MAP1S: variants seen among roughly 807,000 people sequenced by gnomAD.
The protein encoded by MAP1S is microtubule-associated protein 1S.
In MAP1S, 27 loss-of-function variants were observed where a neutral mutation model predicts 60.9. The ratio of observed to expected loss-of-function variants is 0.44; its 90% CI spans 0.33 to 0.61. MAP1S has a LOEUF of 0.61. Among genes scored for constraint, MAP1S ranks in the 20% least tolerant of loss-of-function variants. The probability of loss-of-function intolerance (pLI) is 0.03; values close to 1 mark genes in which losing one functional copy is unlikely to be tolerated. For missense variants in MAP1S, 1,608 were observed against 1,486.6 expected (o/e 1.08, Z -1.34); for synonymous variants, 826 against 694.2 (o/e 1.19, Z -2.98).
Position 17,729,766 on chromosome 19 carries a change from G to A in MAP1S, c.2788+1594G>A, listed in dbSNP as rs147805952. On this transcript the variant is annotated intron_variant, in intron 5 of 6. Transcript: ENST00000324096. Reference sequence around the variant, plus strand: ...CAACCTCTACCTCCCGGGGTCAAGCGATTCTCCTACCTCAGCCTCCCAAGT... The same window carrying A: ...CAACCTCTACCTCCCGGGGTCAAGCAATTCTCCTACCTCAGCCTCCCAAGT... Among the ~76,000 whole-genome samples the A allele has an allele frequency of 5.8e-4, 88 of 152,208 alleles. No homozygotes were observed. In the East Asian group the frequency reaches 0.015, roughly 26 times the overall value.
chr19:17,732,432 T>TA (rs1447989317), intron 5 of MAP1S, among the ~76,000 whole-genome samples: 1 of 152,196 alleles, frequency 6.6e-6, no homozygotes, highest in Non-Finnish European at 1.5e-5. Flanking sequence ...TTCATTTCAT[T>TA]GATCATTCAC....
chr19:17,721,324 T>C (rs1363410380), intron 2 of MAP1S: 5 of 418,456 alleles, frequency 1.2e-5, no homozygotes, highest in Non-Finnish European at 2.3e-5. Flanking sequence ...GAGAAACTGC[T>C]ATGACTGGTG....
At position 17,725,946 on chromosome 19, in the gene MAP1S, G is replaced by A. The variant is rs1345417196; in HGVS notation, c.562G>A (p.Ala188Thr). 2 of 1,613,330 alleles carry A rather than the reference G, an allele frequency of 1.2e-6. No homozygotes were observed. The highest frequency in any genetic ancestry group is 1.7e-6 in the Non-Finnish European group (2 of 1,179,764). The change falls in exon 5 of 7, where the codon GCG (alanine) becomes ACG (threonine). Residue 188 changes from alanine (A) to threonine (T), a missense_variant. Transcript: ENST00000324096. This position sits in a 1 kb window ranked among gnomAD's most constrained non-coding sequence, Gnocchi z 4.2. ...LAPAVPGLQG[A>T]LRLQLRLNPP... ...ACCCGCTGTGCCTGGCCTTCAGGGG[G>A]CGCTCCGGCTCCAGCTGCGGCTGAA...
rs562764580 is a variant in MAP1S at position 17,726,662 on chromosome 19, G to C, written c.1278G>C (p.Lys426Asn). ...GGCACCCCGCCGGCCCCGGCGAGAA[G>C]GTGGTGCGCGTGCTGTTCCCCGGTT... ...LVWHPAGPGE[K>N]VVRVLFPGCT... is the part of the protein sequence containing the mutation. The change falls in exon 5 of 7, where the codon AAG becomes AAC. Residue 426 changes from lysine to asparagine, a missense_variant. Around this residue, in one of 4 missense-constraint regions of MAP1S, gnomAD observed 1,167 missense variants for 961.4 expected, o/e 1.21. Transcript: ENST00000324096. The C allele has an allele frequency of 1.3e-6, 2 of 1,582,218 alleles. No homozygotes were observed. The highest frequency in any genetic ancestry group is 1.7e-6 in the Non-Finnish European group (2 of 1,168,242).
intron 3 of MAP1S, 24 bp downstream of exon 3, chr19:17,724,232 AG>A (rs2080397122): frequency 6.2e-7 from 1 of 1,602,224 alleles, no homozygotes; most frequent in Non-Finnish European, 8.5e-7. Flanking sequence ...GACGTCCTGG[AG>A]GGGGCGGGCT....
chr19:17,733,062 C>T, intron 5 of MAP1S, 131 bp from the exon 6 acceptor site: 1 of 610,180 alleles, frequency 1.6e-6, no homozygotes, highest in East Asian at 2.8e-5. Flanking sequence ...ACCAGGCCTC[C>T]CCAGAAAACT....
chr19:17,720,845 C>A, intron 1 of MAP1S, 91 bp from the exon 2 acceptor site: 1 of 954,212 alleles, frequency 1.0e-6, no homozygotes, highest in Non-Finnish European at 1.7e-6. Flanking sequence ...GAGGCTGGGG[C>A]GCTCCCCACC....
At chr19:17,720,043 G>C (rs1231919194) in intron 1 of MAP1S, 3 of 896,672 alleles carry the variant, frequency 3.3e-6, no homozygotes, top group Non-Finnish European at 2.8e-6. Context: ...AAGCAGATAT[G>C]GGGGAGGCTG....
rs759526993 is a variant in MAP1S at position 17,726,233 on chromosome 19, C to G, written c.849C>G (p.Asp283Glu). The part of the protein sequence containing the change: ...SSFWKLVRHL[D>E]RVDAVLVTHP... Reference sequence around the variant, plus strand: ...TCTGGAAGCTGGTGCGGCACCTGGACCGCGTGGATGCCGTGCTGGTGACCC... The same window carrying G: ...TCTGGAAGCTGGTGCGGCACCTGGAGCGCGTGGATGCCGTGCTGGTGACCC... The change falls in exon 5 of 7, where the codon GAC becomes GAG. Residue 283 changes from aspartate (D) to glutamate (E), a missense_variant. Asp to Glu is a conservative substitution (Grantham distance 45). Transcript: ENST00000324096. 1 of 1,608,662 alleles carries G rather than the reference C, an allele frequency of 6.2e-7. No homozygotes were observed.
chr19:17,721,719 G>A (rs1382125031), intron 2 of MAP1S, among the ~76,000 whole-genome samples: 3 of 152,168 alleles, frequency 2.0e-5, no homozygotes, highest in Admixed American at 6.5e-5. Context: ...AAGGTGGAGG[G>A]GCACTGAGCA....
At position 17,727,430 on chromosome 19, in the gene MAP1S, A is replaced by G. The variant is rs1170397296; in HGVS notation, c.2046A>G (p.Leu682=). The G allele has an allele frequency of 3.1e-6, 5 of 1,601,354 alleles. No individual in the cohort carries two copies. Among genetic ancestry groups the G allele is most frequent in the Non-Finnish European group, 4.3e-6 (5 of 1,174,712 alleles). Residue 682 remains leucine (L), a synonymous_variant, in exon 5 of 7, where the codon CTA becomes CTG. Transcript: ENST00000324096. The surrounding 1 kb of genome is among the most constrained non-coding windows in gnomAD (Gnocchi z 4.1). ...VTTPTVTTPS[L]PAEVGSPHST... ...CACCCACGGTGACCACGCCCTCACT[A>G]CCCGCAGAGGTGGGCTCCCCGCACT... is the stretch of plus-strand genomic sequence containing the variant.
chr19:17,733,476 T>C (rs2080511735), intron 6 of MAP1S, 48 bp downstream of exon 6: 1 of 1,443,480 alleles, frequency 6.9e-7, no homozygotes, highest in Non-Finnish European at 9.3e-7. Flanking sequence ...TTAGCACAGA[T>C]GGGTAAAACC....
At chr19:17,728,220 C>G in intron 5 of MAP1S, 48 bp downstream of exon 5, 2 of 1,509,956 alleles carry the variant, frequency 1.3e-6, no homozygotes, top group Non-Finnish European at 1.8e-6. Context: ...GCTGCTTAGG[C>G]TGGAGAGCAT....
In MAP1S at chr19:17,727,846, A is replaced by T. The variant is rs1411972873; in HGVS notation, c.2462A>T (p.His821Leu). 2 of 1,613,198 alleles carry T rather than the reference A, an allele frequency of 1.2e-6. No individual in the cohort carries two copies. The highest frequency in any genetic ancestry group is 2.7e-5 in the African/African-American group (2 of 74,824). Reference sequence around the variant, plus strand: ...ACAGAGGGCTTTGGAGTCCCTCGCCACGACCCTTTGCCTGACCCCCTCAAG... The same window carrying T: ...ACAGAGGGCTTTGGAGTCCCTCGCCTCGACCCTTTGCCTGACCCCCTCAAG... The part of the protein sequence containing the change: ...EDTEGFGVPR[H>L]DPLPDPLKVP... The change falls in exon 5 of 7, where the codon CAC (histidine) becomes CTC (leucine). Residue 821 changes from histidine (H) to leucine (L), a missense_variant. This residue lies in a region of MAP1S where 1,167 missense variants were observed against 961.4 expected (regional missense o/e 1.21). Transcript: ENST00000324096. The surrounding 1 kb of genome is among the most constrained non-coding windows in gnomAD (Gnocchi z 4.1).
chr19:17,731,981 A>C (rs941858289), intron 5 of MAP1S, among the ~76,000 whole-genome samples: 5 of 152,232 alleles, frequency 3.3e-5, no homozygotes, highest in African/African-American at 9.6e-5. Flanking sequence ...GATTTTTTAC[A>C]TTATTGTTCA....
In MAP1S at chr19:17,725,168, C is replaced by G; in HGVS notation, c.423C>G (p.Leu141=). The change falls in exon 4 of 7, where the codon CTC becomes CTG. Residue 141 remains leucine (L), a synonymous_variant. Transcript: ENST00000324096. The surrounding 1 kb of genome is among the most constrained non-coding windows in gnomAD (Gnocchi z 4.2). ...QTGGFSPHHF[L]QVLKDREIRD... The stretch of plus-strand genomic sequence containing the variant: ...GGGGCTTCTCGCCTCACCACTTCCT[C>G]CAGGTCCTGAAGGACAGAGAGGTAA... The G allele has an allele frequency of 6.2e-7, 1 of 1,613,638 alleles. No individual in the cohort carries two copies. Among genetic ancestry groups the G allele is most frequent in the Non-Finnish European group, 8.5e-7 (1 of 1,179,756 alleles).
chr19:17,720,539 T>C (rs2080361347), intron 1 of MAP1S: 1 of 1,467,262 alleles, frequency 6.8e-7, no homozygotes, highest in Non-Finnish European at 9.0e-7. Flanking sequence ...GGACAGTCAG[T>C]CTTAGCACCC....
Position 17,720,973 on chromosome 19 carries a change from C to T in MAP1S, c.156C>T (p.Asn52=), listed in dbSNP as rs1468889118. The change falls in exon 2 of 7, where the codon AAC becomes AAT. Residue 52 remains asparagine (N), a synonymous_variant. Transcript: ENST00000324096. ...GGGATGTCGATCCTGGCGTCTGCAA[C>T]CTTGATGAACAGCTCAAGGTCTTTG... ...RSWDVDPGVC[N]LDEQLKVFVS... The T allele has an allele frequency of 1.9e-6, 3 of 1,613,972 alleles. No homozygotes were observed. Among genetic ancestry groups the T allele is most frequent in the South Asian group, 1.1e-5 (1 of 91,082 alleles).
rs150294600 is a variant in MAP1S, at chr19:17,725,120, G to A, written c.375G>A (p.Thr125=). 162 of 1,614,118 alleles carry A rather than the reference G, an allele frequency of 1.0e-4. 2 individuals carry two copies. In the South Asian group the frequency reaches 1.4e-3, roughly 14 times the overall value. The change falls in exon 4 of 7, where the codon ACG becomes ACA. Residue 125 remains threonine, a synonymous_variant. Coordinates refer to ENST00000324096, the MANE Select transcript of MAP1S (RefSeq NM_018174.6). This position sits in a 1 kb window ranked among gnomAD's most constrained non-coding sequence, Gnocchi z 4.2. ...LVLAGPCLEE[T]GELLLQTGGF... ...TGGCTGGGCCCTGCCTGGAGGAGAC[G>A]GGGGAGCTGCTGCTACAGACAGGGG...
Sources: gnomAD v4.1 joint callset for allele counts (sites outside exome capture counted in the v4.1 genomes callset) on GRCh38, gnomAD v4.1.1 for gene constraint, gnomAD v4.1.1 regional missense constraint, Gnocchi (gnomAD v3.1) non-coding constraint, MANE v1.5 for transcripts, NCBI Gene and HGNC (gene_info 2026-07-23, HGNC 2026-07-21) for gene names.